The following REPS1 variants were observed in gnomAD, a reference collection of about 807,000 sequenced individuals.
REPS1 encodes the protein ralBP1-associated Eps domain-containing protein 1.
In REPS1, 39 loss-of-function variants were observed where a neutral mutation model predicts 100.9. The ratio of observed to expected loss-of-function variants is 0.39; its 90% CI spans 0.30 to 0.50. REPS1 has a LOEUF of 0.50. Ranked by LOEUF, REPS1 falls within the 20% of genes least tolerant of loss-of-function variation. The probability of loss-of-function intolerance (pLI) is 0.86; values close to 1 mark genes in which losing one functional copy is unlikely to be tolerated. For synonymous variants in REPS1, 324 were observed against 340.3 expected (o/e 0.95, Z 0.53); for missense variants, 821 against 968.5 (o/e 0.85, Z 2.02).
At chr6:138,914,784 CT>C (rs769622811) in intron 14 of REPS1, 23 bp from the exon 15 acceptor site, 2 of 1,600,192 alleles carry the variant, frequency 1.2e-6, no homozygotes, top group South Asian at 1.1e-5. Context: ...AAAAGTTCTT[CT>C]TTTTAGTAAC....
chr6:138,909,599 T>C (rs550640658), intron 17 of REPS1, among the ~76,000 whole-genome samples: 6 of 152,202 alleles, frequency 3.9e-5, no homozygotes, highest in African/African-American at 1.2e-4. Context: ...AGGGGCCTGG[T>C]GGGAGGTGAC....
intron 17 of REPS1, 87 bp from the exon 18 acceptor site, chr6:138,908,903 C>T (rs1779836063): frequency 7.9e-7 from 1 of 1,258,906 alleles, no homozygotes; most frequent in African/African-American, 1.5e-5. Context: ...TTCTTTAAGC[C>T]ATTTGCTCTT....
At chr6:138,951,972 C>T (rs1783066884) in intron 1 of REPS1, among the ~76,000 whole-genome samples, 1 of 152,096 alleles carries the variant, frequency 6.6e-6, no homozygotes, top group Non-Finnish European at 1.5e-5. Context: ...CTTGAAATAC[C>T]TGTTAGGATA....
At chr6:138,981,648 G>C (rs562440518) in intron 1 of REPS1, among the ~76,000 whole-genome samples, 2 of 152,116 alleles carry the variant, frequency 1.3e-5, no homozygotes, top group African/African-American at 4.8e-5. Flanking sequence ...TTTTAAAGGG[G>C]TGTGGCTGGA....
At chr6:138,961,266 T>C (rs536108382) in intron 1 of REPS1, among the ~76,000 whole-genome samples, 2 of 152,314 alleles carry the variant, frequency 1.3e-5, no homozygotes, top group African/African-American at 4.8e-5. Flanking sequence ...AAGGGCATTA[T>C]TTTTTTGTCG....
chr6:138,917,150 T>A (rs1028646738), intron 13 of REPS1, among the ~76,000 whole-genome samples: 2 of 152,228 alleles, frequency 1.3e-5, no homozygotes, highest in Non-Finnish European at 2.9e-5. Context: ...TGAAAGGTTA[T>A]ATGTAACGCA....
intron 1 of REPS1, among the ~76,000 whole-genome samples, chr6:138,955,847 G>A (rs1364644431): frequency 2.6e-5 from 4 of 152,056 alleles, no homozygotes; most frequent in Non-Finnish European, 5.9e-5. Flanking sequence ...ATTAACTGAG[G>A]AAAATAATAC....
At chr6:138,925,177 C>G (rs1188878) in intron 10 of REPS1, among the ~76,000 whole-genome samples, 53,725 of 143,456 alleles carry the variant, frequency 0.37, 11,671 homozygotes, top group Admixed American at 0.52. Context: ...GAAACCCCGC[C>G]TCTACTAAAA....
intron 1 of REPS1, among the ~76,000 whole-genome samples, chr6:138,967,131 T>C (rs1784070064): frequency 6.6e-6 from 1 of 152,270 alleles, no homozygotes; most frequent in Non-Finnish European, 1.5e-5. Context: ...TGTGCTCTCT[T>C]GCCCTTCTGC....
intron 1 of REPS1, among the ~76,000 whole-genome samples, chr6:138,971,712 C>A (rs1196200283): frequency 6.6e-6 from 1 of 152,258 alleles, no homozygotes; most frequent in East Asian, 1.9e-4. Flanking sequence ...TTGTTCTGTT[C>A]TTACTGCCTC....
intron 8 of REPS1, among the ~76,000 whole-genome samples, chr6:138,936,807 T>A (rs1781879322): frequency 6.6e-6 from 1 of 152,114 alleles, no homozygotes; most frequent in East Asian, 1.9e-4. Flanking sequence ...TGCAGCAGTG[T>A]TTTAAAGATA....
chr6:138,938,647 A>C (rs543734421), intron 8 of REPS1, among the ~76,000 whole-genome samples: 5 of 152,244 alleles, frequency 3.3e-5, no homozygotes, highest in African/African-American at 1.2e-4. Flanking sequence ...AAAAAAAACA[A>C]AACAGGATTT....
At position 138,975,234 on chromosome 6, in the gene REPS1, C is replaced by T. The variant is rs144885898; in HGVS notation, c.153+12296G>A. Among the ~76,000 whole-genome samples, 581 of 152,244 alleles carry T rather than the reference C, an allele frequency of 3.8e-3. 5 individuals carry two copies. Among genetic ancestry groups the T allele is most frequent in the African/African-American group, 0.014 (561 of 41,552 alleles). On this transcript the variant is annotated intron_variant, in intron 1 of 19. Transcript: ENST00000450536. ...TTTGCCCTCTGCTTCTTTATTTCCA[C>T]GTTAATGGCATCACCATTCTATAGG...
intron 1 of REPS1, among the ~76,000 whole-genome samples, chr6:138,948,749 T>A (rs989905798): frequency 6.6e-6 from 1 of 152,198 alleles, no homozygotes; most frequent in Non-Finnish European, 1.5e-5. Context: ...GAGAGAGCAG[T>A]TTTAGTCTAT....
rs1442103002 is a variant in REPS1 at position 138,915,892 on chromosome 6, A to C, written c.1686T>G (p.Ser562=). 1 of 1,613,612 alleles carries C rather than the reference A, an allele frequency of 6.2e-7. No individual in the cohort carries two copies. Among genetic ancestry groups the C allele is most frequent in the African/African-American group, 1.3e-5 (1 of 75,052 alleles). Residue 562 remains serine, a synonymous_variant, in exon 14 of 20, where the codon TCT becomes TCG. Coordinates refer to ENST00000450536, the MANE Select transcript of REPS1 (RefSeq NM_001286611.2). ...RPQPSHSRSS[S]LDMNRTFTVT... is the part of the protein sequence containing the mutation. ...CTGTAAAGGTCCGATTCATATCTAAAGATGATGATCTAGAATGAGAGGGCT... is the reference window on the plus strand; with the variant it reads ...CTGTAAAGGTCCGATTCATATCTAACGATGATGATCTAGAATGAGAGGGCT...
chr6:138,921,865 G>A (rs1780787317), intron 10 of REPS1, among the ~76,000 whole-genome samples: 1 of 152,036 alleles, frequency 6.6e-6, no homozygotes, highest in Non-Finnish European at 1.5e-5. Flanking sequence ...GTGAGCCACT[G>A]CGCCCGGCCA....
chr6:138,929,260 A>C (rs926576300), intron 9 of REPS1: 1 of 152,224 alleles, frequency 6.6e-6, no homozygotes, highest in African/African-American at 2.4e-5. Context: ...AAAATTTAAC[A>C]GAGGGGCCTA....
At chr6:138,929,011 CT>C (rs1562526831) in intron 9 of REPS1, 1 of 152,162 alleles carries the variant, frequency 6.6e-6, no homozygotes, top group East Asian at 1.9e-4. Context: ...TGTTTTCCAA[CT>C]GTCCAAAATT....
intron 16 of REPS1, among the ~76,000 whole-genome samples, chr6:138,912,087 A>G (rs1164510361): frequency 6.6e-6 from 1 of 152,282 alleles, no homozygotes; most frequent in Middle Eastern, 3.4e-3. Flanking sequence ...AGGTTTTAAA[A>G]GGGAGCTAGT....
Sources: gnomAD v4.1 joint callset for allele counts (sites outside exome capture counted in the v4.1 genomes callset) on GRCh38, gnomAD v4.1.1 for gene constraint, MANE v1.5 for transcripts, NCBI Gene and HGNC (gene_info 2026-07-23, HGNC 2026-07-21) for gene names.